The following ME3 variants were observed in gnomAD, a reference collection of about 807,000 sequenced individuals.
ME3 encodes NADP-dependent malic enzyme, mitochondrial.
ME3 carries 48 observed loss-of-function variants against 68.9 expected under a neutral mutation model. The observed-to-expected ratio is 0.70, with a 90% CI of 0.55 to 0.89. The LOEUF (loss-of-function observed/expected upper bound fraction) is 0.89, where lower values mean the gene tolerates loss of function less well. Among genes scored for constraint, ME3 ranks in the 40% least tolerant of loss-of-function variants. ME3 has a pLI of 0.00. For synonymous variants in ME3, 320 were observed against 318.8 expected (o/e 1.00, Z -0.04); for missense variants, 675 against 797.4 (o/e 0.85, Z 1.85).
At chr11:86,570,360 T>G (rs1283248393) in intron 2 of ME3, among the ~76,000 whole-genome samples, 1 of 152,164 alleles carries the variant, frequency 6.6e-6, no homozygotes, top group Non-Finnish European at 1.5e-5. Flanking sequence ...CATTTCCTCC[T>G]CCTTGTGCAT....
intron 4 of ME3, among the ~76,000 whole-genome samples, chr11:86,538,333 C>A (rs1036929952): frequency 6.6e-6 from 1 of 152,236 alleles, no homozygotes; most frequent in Admixed American, 6.5e-5. Context: ...TCCTCTGAAC[C>A]GCTTGTCTAA....
chr11:86,634,883 T>C (rs1944235900), intron 2 of ME3, among the ~76,000 whole-genome samples: 1 of 152,126 alleles, frequency 6.6e-6, no homozygotes, highest in African/African-American at 2.4e-5. Context: ...GGATTATCCA[T>C]TTTAATTGAC....
intron 2 of ME3, among the ~76,000 whole-genome samples, chr11:86,657,003 C>T (rs1204082745): frequency 6.6e-6 from 1 of 152,162 alleles, no homozygotes; most frequent in East Asian, 1.9e-4. Flanking sequence ...AATAGGAACG[C>T]TTTTATACTG....
chr11:86,559,842 G>A lies in ME3; in HGVS notation c.184-19C>T. 2 of 1,611,832 alleles carry A rather than the reference G, an allele frequency of 1.2e-6. No individual in the cohort carries two copies. Among genetic ancestry groups the A allele is most frequent in the Non-Finnish European group, 1.7e-6 (2 of 1,178,706 alleles). On this transcript the variant is annotated intron_variant, in intron 2 of 14. Coordinates refer to ENST00000543262, the Ensembl canonical transcript of ME3. ...CCATCCCCTGGGAAAAACAGGAAAAGAACACCCACACATAAGTGCATACTC... is the reference window on the plus strand; with the variant it reads ...CCATCCCCTGGGAAAAACAGGAAAAAAACACCCACACATAAGTGCATACTC...
At chr11:86,560,742 G>GTGTGTGTGTA (rs1555234603) in intron 2 of ME3, among the ~76,000 whole-genome samples, 55 of 58,288 alleles carry the variant, frequency 9.4e-4, no homozygotes, top group East Asian at 6.6e-3. Flanking sequence ...GTGTGTGTGT[G>GTGTGTGTGTA]TGTGTGTATA....
intron 2 of ME3, among the ~76,000 whole-genome samples, chr11:86,612,235 C>T (rs112618891): frequency 0.011 from 1,659 of 152,334 alleles, 33 homozygotes; most frequent in African/African-American, 0.037. Context: ...CTGCAAAGGA[C>T]ATGATCTCAT....
intron 4 of ME3, among the ~76,000 whole-genome samples, chr11:86,521,425 A>AAAATAATAATAAT (rs754170121): frequency 0.02 from 2,297 of 117,694 alleles, 35 homozygotes; most frequent in East Asian, 0.067. Flanking sequence ...AAACAAAACA[A>AAAATAATAATAAT]AACAAAAATA....
chr11:86,611,042 A>T (rs1437754241), intron 2 of ME3, among the ~76,000 whole-genome samples: 1 of 152,190 alleles, frequency 6.6e-6, no homozygotes, highest in Non-Finnish European at 1.5e-5. Context: ...AACCTCATAT[A>T]TATGTGAATA....
At chr11:86,505,808 A>G (rs1953033846) in intron 5 of ME3, among the ~76,000 whole-genome samples, 1 of 152,260 alleles carries the variant, frequency 6.6e-6, no homozygotes. Context: ...ATTCCTCTAC[A>G]TAGTCGCTGG....
At chr11:86,650,739 C>T (rs935437241) in intron 2 of ME3, among the ~76,000 whole-genome samples, 1 of 151,946 alleles carries the variant, frequency 6.6e-6, no homozygotes, top group African/African-American at 2.4e-5. Flanking sequence ...GATTGTCAGA[C>T]AGTGGGTGCA....
chr11:86,637,967 T>TACACACAC (rs5793205), intron 2 of ME3, among the ~76,000 whole-genome samples: 10,750 of 145,062 alleles, frequency 0.074, 476 homozygotes, highest in Non-Finnish European at 0.11. Context: ...TGCTCATGCA[T>TACACACAC]ACACACACAC....
intron 2 of ME3, among the ~76,000 whole-genome samples, chr11:86,595,653 G>A (rs1959317617): frequency 6.6e-6 from 1 of 152,192 alleles, no homozygotes; most frequent in African/African-American, 2.4e-5. Context: ...GATCATGAGG[G>A]GAAGTGTGGA....
intron 2 of ME3, among the ~76,000 whole-genome samples, chr11:86,659,453 G>A (rs1205908464): frequency 6.6e-6 from 1 of 152,154 alleles, no homozygotes; most frequent in East Asian, 1.9e-4. Context: ...CAGGGCCTCT[G>A]AAAACTTATG....
At chr11:86,583,734 GTTA>G (rs1347159772) in intron 2 of ME3, among the ~76,000 whole-genome samples, 1 of 152,082 alleles carries the variant, frequency 6.6e-6, no homozygotes, top group Non-Finnish European at 1.5e-5. Context: ...TAAATAAAGA[GTTA>G]ATTGTCTTCA....
chr11:86,470,654 A>T (rs1330076497), intron 7 of ME3, among the ~76,000 whole-genome samples: 2 of 152,210 alleles, frequency 1.3e-5, no homozygotes, highest in Non-Finnish European at 2.9e-5. Flanking sequence ...GTTGCATCTC[A>T]TCCTCACCAC....
intron 2 of ME3, among the ~76,000 whole-genome samples, chr11:86,598,656 G>T (rs948965492): frequency 2.0e-5 from 3 of 152,172 alleles, no homozygotes; most frequent in African/African-American, 7.2e-5. Flanking sequence ...CCTTAAGTGG[G>T]TCTCTGACCC....
At chr11:86,475,908 AAGAG>A (rs1277347481) in intron 7 of ME3, among the ~76,000 whole-genome samples, 107 of 126,804 alleles carry the variant, frequency 8.4e-4, no homozygotes, top group Admixed American at 1.6e-3. Flanking sequence ...GAGAAAGAGA[AAGAG>A]AGAGAGAGAG....
At chr11:86,486,195 T>C (rs1470517502) in intron 7 of ME3, among the ~76,000 whole-genome samples, 4 of 152,214 alleles carry the variant, frequency 2.6e-5, no homozygotes, top group Non-Finnish European at 5.9e-5. Flanking sequence ...CTGGATCCTT[T>C]TTCCTGCTTG....
intron 2 of ME3, among the ~76,000 whole-genome samples, chr11:86,627,870 G>A (rs1033481787): frequency 1.3e-5 from 2 of 152,208 alleles, no homozygotes; most frequent in African/African-American, 4.8e-5. Context: ...TTAACACCAC[G>A]CATAAGCAAT....
Sources: allele counts gnomAD v4.1 joint callset (sites outside exome capture counted in the v4.1 genomes callset), GRCh38; gene constraint gnomAD v4.1.1; transcripts MANE v1.5; gene names NCBI Gene and HGNC (gene_info 2026-07-23, HGNC 2026-07-21).